The following SIL1 variants were observed in gnomAD, a reference collection of about 807,000 sequenced individuals.
SIL1 encodes the protein nucleotide exchange factor SIL1.
Under a neutral mutation model 49.1 loss-of-function variants are expected in SIL1, and 40 were observed. That is an observed-to-expected ratio of 0.81 (90% CI 0.63 to 1.06). SIL1 has a LOEUF of 1.06. SIL1 is among the 50% of genes least tolerant of loss of function. SIL1 has a pLI of 0.00. For synonymous variants in SIL1, 253 were observed against 250.8 expected, an observed-to-expected ratio of 1.01 and a Z score of -0.08; for missense variants, 500 against 572.6, an observed-to-expected ratio of 0.87 and a Z score of 1.29.
chr5:138,978,243 A>C (rs1348308623), intron 7 of SIL1, among the ~76,000 whole-genome samples: 3 of 142,926 alleles, frequency 2.1e-5, no homozygotes. Flanking sequence ...CCTCAGCACT[A>C]GGCCCTACAG....
intron 7 of SIL1, among the ~76,000 whole-genome samples, chr5:139,020,804 CTCA>C (rs1368172430): frequency 6.6e-6 from 1 of 152,224 alleles, no homozygotes; most frequent in Non-Finnish European, 1.5e-5. Context: ...CTTGGTCAGG[CTCA>C]TCATTTATTC....
rs553973778 is a variant in SIL1 at position 138,948,061 on chromosome 5, G to T, written c.1030-588C>A. Among the ~76,000 whole-genome samples the T allele has an allele frequency of 1.2e-4, 19 of 152,338 alleles. No homozygotes were observed. Among genetic ancestry groups the T allele is most frequent in the African/African-American group, 4.6e-4 (19 of 41,576 alleles). Reference sequence around the variant, plus strand: ...GTCAGAGGTAGAGGGTTGGGAGGGGGCAGAGATCTCCCGTGCAGCTGTAGG... The same window carrying T: ...GTCAGAGGTAGAGGGTTGGGAGGGGTCAGAGATCTCCCGTGCAGCTGTAGG... On this transcript the variant is annotated intron_variant, in intron 9 of 9. Transcript: ENST00000394817. The surrounding 1 kb of genome is among the most constrained non-coding windows in gnomAD (Gnocchi z 4.8).
chr5:139,131,121 C>A (rs975805235), intron 1 of SIL1, among the ~76,000 whole-genome samples: 2 of 152,090 alleles, frequency 1.3e-5, no homozygotes, highest in Non-Finnish European at 2.9e-5. Context: ...GCAAAACAAA[C>A]AAGAAAACCT....
chr5:139,181,925 C>T (rs1290076460), intron 1 of SIL1, among the ~76,000 whole-genome samples: 1 of 152,208 alleles, frequency 6.6e-6, no homozygotes, highest in African/African-American at 2.4e-5. Context: ...AAACAAACCT[C>T]GCCAGGGGAC....
In SIL1 at chr5:139,091,338, T is replaced by C. The variant is rs1007275552; in HGVS notation, c.244+29697A>G. Among the ~76,000 whole-genome samples, 11 of 151,780 alleles carry C rather than the reference T, an allele frequency of 7.2e-5. No individual in the cohort carries two copies. In the East Asian group the frequency reaches 1.9e-3, roughly 27 times the overall value. On this transcript the variant is annotated intron_variant, in intron 3 of 9. Transcript: ENST00000394817. ...TCATAGAGTGTTAATATCCCCAATA[T>C]ATAAAAAACTTTTAAAAAATAAGGA...
At chr5:139,044,128 A>G (rs1769102904) in intron 4 of SIL1, among the ~76,000 whole-genome samples, 1 of 152,224 alleles carries the variant, frequency 6.6e-6, no homozygotes, top group Non-Finnish European at 1.5e-5. Flanking sequence ...TAACTCATTT[A>G]TTGAGCATTT....
intron 7 of SIL1, among the ~76,000 whole-genome samples, chr5:139,020,166 G>A (rs1768488040): frequency 6.6e-6 from 1 of 152,170 alleles, no homozygotes; most frequent in Non-Finnish European, 1.5e-5. Context: ...GAAGATCCAG[G>A]CAGAGTGGTG....
At chr5:139,139,032 C>G (rs1751030320) in intron 1 of SIL1, among the ~76,000 whole-genome samples, 1 of 152,200 alleles carries the variant, frequency 6.6e-6, no homozygotes, top group Non-Finnish European at 1.5e-5. Flanking sequence ...ATGACTCAGG[C>G]CTGTCTCCAA....
At chr5:138,974,999 G>C (rs540296492) in intron 7 of SIL1, among the ~76,000 whole-genome samples, 3 of 152,164 alleles carry the variant, frequency 2.0e-5, no homozygotes, top group South Asian at 4.2e-4. Flanking sequence ...CCATAGACCA[G>C]GATCTTACTC....
intron 1 of SIL1, among the ~76,000 whole-genome samples, chr5:139,186,432 C>A (rs1000453238): frequency 6.6e-6 from 1 of 152,074 alleles, no homozygotes; most frequent in Non-Finnish European, 1.5e-5. Context: ...CTAAAGGATA[C>A]AGATGGGTAG....
At chr5:139,168,096 T>C (rs1435004101) in intron 1 of SIL1, among the ~76,000 whole-genome samples, 1 of 152,226 alleles carries the variant, frequency 6.6e-6, no homozygotes, top group Non-Finnish European at 1.5e-5. Flanking sequence ...TTGAGTACAG[T>C]AGCAAGCTGT....
intron 3 of SIL1, among the ~76,000 whole-genome samples, chr5:139,120,664 C>T (rs925898383): frequency 6.6e-6 from 1 of 152,162 alleles, no homozygotes; most frequent in Non-Finnish European, 1.5e-5. Flanking sequence ...AGGACTCTCC[C>T]AAGAACAATA....
At chr5:138,961,074 T>A (rs1767010655) in intron 7 of SIL1, among the ~76,000 whole-genome samples, 1 of 152,154 alleles carries the variant, frequency 6.6e-6, no homozygotes, top group Admixed American at 6.5e-5. Context: ...ATTAAACTAG[T>A]CCAGCAAGAC....
At chr5:139,003,559 A>T (rs961935513) in intron 7 of SIL1, among the ~76,000 whole-genome samples, 2 of 152,240 alleles carry the variant, frequency 1.3e-5, no homozygotes, top group African/African-American at 4.8e-5. Flanking sequence ...AATAACGTAC[A>T]CAAGTTTTAC....
At chr5:139,197,890 A>T (rs188174323) in intron 1 of SIL1, among the ~76,000 whole-genome samples, 17 of 152,310 alleles carry the variant, frequency 1.1e-4, no homozygotes, top group Admixed American at 3.9e-4. Context: ...CCACATGGGA[A>T]GAGACACACG....
intron 7 of SIL1, among the ~76,000 whole-genome samples, chr5:138,969,474 T>A (rs1753895807): frequency 6.6e-6 from 1 of 152,234 alleles, no homozygotes; most frequent in Non-Finnish European, 1.5e-5. Context: ...CAGGTCAGCA[T>A]GGTATCAGAG....
intron 7 of SIL1, among the ~76,000 whole-genome samples, chr5:138,985,890 G>A (rs1767640670): frequency 6.6e-6 from 1 of 152,192 alleles, no homozygotes; most frequent in African/African-American, 2.4e-5. Flanking sequence ...AGAGCCCGCT[G>A]ATGAAGGCAA....
chr5:139,111,170 G>A (rs964117886), intron 3 of SIL1, among the ~76,000 whole-genome samples: 2 of 152,062 alleles, frequency 1.3e-5, no homozygotes, highest in Admixed American at 6.5e-5. Flanking sequence ...CACCCAAATG[G>A]GTACTTCTCT....
At chr5:138,989,745 T>G (rs145332132) in intron 7 of SIL1, among the ~76,000 whole-genome samples, 83 of 152,298 alleles carry the variant, frequency 5.4e-4, no homozygotes, top group African/African-American at 1.9e-3. Flanking sequence ...CAGTTCATAG[T>G]GAGTTACAGG....
Sources: gnomAD v4.1 joint callset for allele counts (sites outside exome capture counted in the v4.1 genomes callset) on GRCh38, gnomAD v4.1.1 for gene constraint, Gnocchi (gnomAD v3.1) non-coding constraint, MANE v1.5 for transcripts, NCBI Gene and HGNC (gene_info 2026-07-23, HGNC 2026-07-21) for gene names.